The following GOLM2 variants were observed in gnomAD, a reference collection of about 807,000 sequenced individuals.
The protein encoded by GOLM2 is protein GOLM2.
A neutral mutation model predicts 55.9 loss-of-function variants in GOLM2; 26 were observed. The observed-to-expected ratio is 0.47, with a 90% confidence interval of 0.34 to 0.65. The LOEUF is 0.65. Among genes scored for constraint, GOLM2 ranks in the 30% least tolerant of loss-of-function variants. The pLI, the probability that GOLM2 is intolerant of heterozygous loss-of-function variation, is 0.01. For synonymous variants in GOLM2, 165 were observed against 194.6 expected, an observed-to-expected ratio of 0.85 and a Z score of 1.27; for missense variants, 486 against 531.8, an observed-to-expected ratio of 0.91 and a Z score of 0.85.
intron 8 of GOLM2, among the ~76,000 whole-genome samples, chr15:44,397,080 G>C (rs2079531136): frequency 6.6e-6 from 1 of 152,064 alleles, no homozygotes; most frequent in South Asian, 2.1e-4. Context: ...TACTCCCCTA[G>C]CTGGGCACAG....
At chr15:44,389,799 C>T (rs536368501) in intron 8 of GOLM2, among the ~76,000 whole-genome samples, 1 of 152,164 alleles carries the variant, frequency 6.6e-6, no homozygotes, top group Non-Finnish European at 1.5e-5. Context: ...CATCCTACCT[C>T]AGCCTCCTGA....
chr15:44,318,699 A>G (rs1449105322), intron 1 of GOLM2, among the ~76,000 whole-genome samples: 1 of 142,090 alleles, frequency 7.0e-6, no homozygotes, highest in African/African-American at 2.7e-5. Context: ...ACAGACCGAC[A>G]CTCTGTCTCA....
intron 1 of GOLM2, among the ~76,000 whole-genome samples, chr15:44,292,954 A>G (rs1452489112): frequency 1.3e-5 from 2 of 152,156 alleles, no homozygotes; most frequent in Admixed American, 6.5e-5. Flanking sequence ...AGCTGGGACT[A>G]TAGGTGCATG....
chr15:44,378,610 T>TAAAAG lies in GOLM2; in HGVS notation c.803-1065_803-1061dup, dbSNP rs1048756039. Reference sequence around the variant, plus strand: ...AAGACTCTGTCTCAAAATAAGTAAATAAAAGAAAAGAAAAGAAAATTTGAG... The same window carrying TAAAAG: ...AAGACTCTGTCTCAAAATAAGTAAATAAAAGAAAAGAAAAGAAAAGAAAATTTGAG... On this transcript the variant is annotated intron_variant, in intron 6 of 9. Coordinates refer to ENST00000299957, the MANE Select transcript of GOLM2 (RefSeq NM_138423.4). Among the ~76,000 whole-genome samples, 15 of 150,760 alleles carry TAAAAG rather than the reference T, an allele frequency of 9.9e-5. 1 individual carries two copies. In the South Asian group the frequency reaches 2.7e-3, roughly 27 times the overall value.
At chr15:44,401,988 C>T in intron 8 of GOLM2, among the ~76,000 whole-genome samples, 1 of 151,882 alleles carries the variant, frequency 6.6e-6, no homozygotes, top group South Asian at 2.1e-4. Context: ...TGCCACCACG[C>T]CTGGCTAATT....
Position 44,414,778 on chromosome 15 carries a change from C to T in GOLM2, c.*1372C>T, listed in dbSNP as rs1595674035. The T allele has an allele frequency of 6.5e-6, 1 of 152,676 alleles. No individual in the cohort carries two copies. The highest frequency in any genetic ancestry group is 1.9e-4 in the East Asian group (1 of 5,194). 9.5% of individuals were successfully genotyped at this position (152,676 alleles called of 1,614,324 possible). On this transcript the variant is annotated 3_prime_UTR_variant, in exon 10 of 10. Coordinates refer to ENST00000299957, the MANE Select transcript of GOLM2 (RefSeq NM_138423.4). ...GTAAAAAAATGAATCTTTGTAATTA[C>T]TTAATATGTTAGTTAAGAACCCGTC...
rs373945985 is a variant in GOLM2 at position 44,385,226 on chromosome 15, A to G, written c.1072+4250A>G. On this transcript the variant is annotated intron_variant, in intron 8 of 9. Transcript: ENST00000299957. The stretch of plus-strand genomic sequence containing the variant: ...AACTGCTGAGTCATATGATAGTTCT[A>G]TGTTTAGCTTTTTGAGGAACTGCCA... 3.3e-4 allele frequency among the ~76,000 whole-genome samples: 51 copies of G among 152,242 alleles called. No homozygotes were observed. In the East Asian group the frequency reaches 8.5e-3, roughly 25 times the overall value.
At chr15:44,343,279 G>A (rs1215546354) in intron 6 of GOLM2, among the ~76,000 whole-genome samples, 1 of 150,636 alleles carries the variant, frequency 6.6e-6, no homozygotes, top group Non-Finnish European at 1.5e-5. Context: ...GTTGCAGTGA[G>A]CGAAGATCAT....
intron 1 of GOLM2, among the ~76,000 whole-genome samples, chr15:44,297,488 G>C (rs922619317): frequency 2.0e-5 from 3 of 151,084 alleles, no homozygotes; most frequent in African/African-American, 7.3e-5. Context: ...TCCTGTTTCT[G>C]TGCCTTTGTT....
At chr15:44,317,232 C>G (rs2078916529) in intron 1 of GOLM2, among the ~76,000 whole-genome samples, 1 of 151,948 alleles carries the variant, frequency 6.6e-6, no homozygotes, top group Admixed American at 6.6e-5. Flanking sequence ...AAAAAATTAT[C>G]TGGGCGTGGT....
chr15:44,327,477 G>A (rs1452222105), intron 2 of GOLM2, among the ~76,000 whole-genome samples: 1 of 151,996 alleles, frequency 6.6e-6, no homozygotes, highest in Non-Finnish European at 1.5e-5. Context: ...TGCTTTTAGA[G>A]GAATAAGACT....
At chr15:44,344,980 CTTT>C (rs1203762614) in intron 6 of GOLM2, among the ~76,000 whole-genome samples, 2 of 138,550 alleles carry the variant, frequency 1.4e-5, no homozygotes. Flanking sequence ...CTAATTTTTT[CTTT>C]TTTTTTTTTA....
chr15:44,314,539 A>G (rs973671278), intron 1 of GOLM2, among the ~76,000 whole-genome samples: 1 of 151,752 alleles, frequency 6.6e-6, no homozygotes, highest in Non-Finnish European at 1.5e-5. Context: ...ACTCTGGGCA[A>G]TAAGAGTGAA....
chr15:44,414,130 C>T lies in GOLM2; in HGVS notation c.*724C>T, dbSNP rs1341488838. ...GAATTCCAGGCATGAGCCACTGCGCCCAGTCTACACACTAATTCTTGTTAG... is the reference window on the plus strand; with the variant it reads ...GAATTCCAGGCATGAGCCACTGCGCTCAGTCTACACACTAATTCTTGTTAG... On this transcript the variant is annotated 3_prime_UTR_variant, in exon 10 of 10. Transcript: ENST00000299957. 1.3e-5 allele frequency: 2 copies of T among 152,250 alleles called. No individual in the cohort carries two copies. Among genetic ancestry groups the T allele is most frequent in the African/African-American group, 4.8e-5 (2 of 41,430 alleles). The allele number at this position is 152,250 out of a possible 1,614,324, so 9.4% of individuals were successfully genotyped here.
At chr15:44,341,211 G>A (rs998609707) in intron 6 of GOLM2, among the ~76,000 whole-genome samples, 3 of 151,342 alleles carry the variant, frequency 2.0e-5, no homozygotes, top group African/African-American at 7.3e-5. Flanking sequence ...CTCCCGAGTA[G>A]CTGGGACTAC....
intron 8 of GOLM2, among the ~76,000 whole-genome samples, chr15:44,400,305 C>T (rs1284678513): frequency 6.6e-6 from 1 of 151,726 alleles, no homozygotes; most frequent in Non-Finnish European, 1.5e-5. Flanking sequence ...CTCCTGTTGT[C>T]CCCACACCCT....
chr15:44,353,050 T>C (rs2079175526), intron 6 of GOLM2, among the ~76,000 whole-genome samples: 1 of 152,084 alleles, frequency 6.6e-6, no homozygotes, highest in African/African-American at 2.4e-5. Context: ...AAAAATCTTA[T>C]AATTCAGTTA....
At chr15:44,349,899 G>A (rs2079150533) in intron 6 of GOLM2, among the ~76,000 whole-genome samples, 1 of 152,154 alleles carries the variant, frequency 6.6e-6, no homozygotes, top group African/African-American at 2.4e-5. Flanking sequence ...TCACTAGTGG[G>A]TCGATGAAGA....
At chr15:44,395,184 T>C (rs2079516953) in intron 8 of GOLM2, among the ~76,000 whole-genome samples, 1 of 151,080 alleles carries the variant, frequency 6.6e-6, no homozygotes, top group African/African-American at 2.4e-5. Flanking sequence ...CTAATTTTTT[T>C]TTTTTTTTTC....
Sources: allele counts gnomAD v4.1 joint callset (sites outside exome capture counted in the v4.1 genomes callset), GRCh38; gene constraint gnomAD v4.1.1; transcripts MANE v1.5; gene names NCBI Gene and HGNC (gene_info 2026-07-23, HGNC 2026-07-21).